Variants in ANKS1B observed in about 807,000 individuals in gnomAD.
ANKS1B encodes the protein ankyrin repeat and sterile alpha motif domain containing 1B, also known as ankyrin repeat and sterile alpha motif domain-containing protein 1B.
ANKS1B carries 36 observed loss-of-function variants against 148.3 expected under a neutral mutation model. That is an observed-to-expected ratio of 0.24 (90% CI 0.19 to 0.32). ANKS1B has a LOEUF of 0.32. Ranked by LOEUF, ANKS1B falls within the 10% of genes least tolerant of loss-of-function variation. The pLI is 1.00. For synonymous variants in ANKS1B, 542 were observed against 560.8 expected (o/e 0.97, Z 0.47); for missense variants, 1,157 against 1,542.6 (o/e 0.75, Z 4.19).
chr12:99,755,765 T>A (rs1228562938), intron 8 of ANKS1B, among the ~76,000 whole-genome samples: 1 of 151,994 alleles, frequency 6.6e-6, no homozygotes, highest in Non-Finnish European at 1.5e-5. Flanking sequence ...CACATAATTA[T>A]CACAATAGAT....
chr12:98,793,445 A>G (rs760594096), intron 22 of ANKS1B, among the ~76,000 whole-genome samples: 1 of 152,164 alleles, frequency 6.6e-6, no homozygotes, highest in Non-Finnish European at 1.5e-5. Context: ...TTTTTTGGAT[A>G]TGACTCCAAA....
intron 8 of ANKS1B, among the ~76,000 whole-genome samples, chr12:99,745,747 G>C (rs765537990): frequency 6.6e-6 from 1 of 151,680 alleles, no homozygotes; most frequent in Non-Finnish European, 1.5e-5. Context: ...AAATCTAATT[G>C]ATTTAAATTA....
intron 12 of ANKS1B, among the ~76,000 whole-genome samples, chr12:99,384,590 CCCTTCCCTTCCTTTCCCTGCCCTGCCCTG>C (rs376983625): frequency 5.3e-5 from 8 of 151,970 alleles, no homozygotes; most frequent in African/African-American, 1.9e-4. Context: ...TTCTTCTCGT[CCCTTCCCTTCCTTTCCCTGCCCTGCCCTG>C]CCTTCCCCTC....
intron 20 of ANKS1B, among the ~76,000 whole-genome samples, chr12:98,804,671 A>C (rs904238194): frequency 2.0e-5 from 3 of 152,166 alleles, no homozygotes; most frequent in African/African-American, 7.2e-5. Flanking sequence ...CTGGAGGCTG[A>C]ATTACAGCAG....
intron 17 of ANKS1B, among the ~76,000 whole-genome samples, chr12:98,835,142 TA>T (rs2099355582): frequency 6.7e-6 from 1 of 150,034 alleles, no homozygotes; most frequent in Non-Finnish European, 1.5e-5. Flanking sequence ...AAACTGACAC[TA>T]AATAACACAT....
At chr12:99,207,580 C>T (rs2082837028) in intron 14 of ANKS1B, among the ~76,000 whole-genome samples, 1 of 151,844 alleles carries the variant, frequency 6.6e-6, no homozygotes. Context: ...ATTTGTATTC[C>T]TAAAATGTTT....
chr12:99,484,926 A>C (rs920018809), intron 10 of ANKS1B, among the ~76,000 whole-genome samples: 2 of 151,648 alleles, frequency 1.3e-5, no homozygotes, highest in Non-Finnish European at 2.9e-5. Flanking sequence ...CATATAATGA[A>C]TCTCCTGAAG....
At chr12:99,413,833 A>C (rs2094801660) in intron 11 of ANKS1B, among the ~76,000 whole-genome samples, 1 of 152,174 alleles carries the variant, frequency 6.6e-6, no homozygotes, top group African/African-American at 2.4e-5. Context: ...TGATACAGGC[A>C]ACTGTCCAAA....
At chr12:99,928,331 T>C (rs962780596) in intron 1 of ANKS1B, among the ~76,000 whole-genome samples, 13 of 150,014 alleles carry the variant, frequency 8.7e-5, no homozygotes, top group Non-Finnish European at 1.6e-4. Flanking sequence ...GACTGCGGAC[T>C]GCAGTGGCGC....
chr12:99,566,420 T>C (rs1045125407), intron 9 of ANKS1B, among the ~76,000 whole-genome samples: 1 of 152,192 alleles, frequency 6.6e-6, no homozygotes, highest in African/African-American at 2.4e-5. Context: ...TCCAATAACA[T>C]GCTCCTCACT....
intron 8 of ANKS1B, among the ~76,000 whole-genome samples, chr12:99,729,531 A>T (rs2058936514): frequency 6.6e-6 from 1 of 151,980 alleles, no homozygotes; most frequent in Non-Finnish European, 1.5e-5. Context: ...TCTCTATTTG[A>T]TGCAAAATTG....
chr12:98,851,940 C>G (rs1337737328), intron 17 of ANKS1B, among the ~76,000 whole-genome samples: 1 of 133,582 alleles, frequency 7.5e-6, no homozygotes, highest in Non-Finnish European at 1.5e-5. Flanking sequence ...AGCAGAATTG[C>G]TTGAACCCAG....
At chr12:99,815,738 A>T (rs148726259) in intron 2 of ANKS1B, among the ~76,000 whole-genome samples, 25 of 151,848 alleles carry the variant, frequency 1.6e-4, no homozygotes, top group African/African-American at 5.5e-4. Context: ...GTGAGAACGC[A>T]TGGTATTTGG....
intron 1 of ANKS1B, among the ~76,000 whole-genome samples, chr12:99,896,085 G>A (rs2093373138): frequency 1.3e-5 from 2 of 151,224 alleles, no homozygotes; most frequent in South Asian, 4.2e-4. Context: ...CTCTTTGTAT[G>A]TGTGTGGTAC....
chr12:99,725,711 A>C (rs1191433916), intron 8 of ANKS1B, among the ~76,000 whole-genome samples: 1 of 152,222 alleles, frequency 6.6e-6, no homozygotes, highest in Non-Finnish European at 1.5e-5. Context: ...CATTCTTCTC[A>C]GTGCATGGCA....
downstream of ANKS1B, among the ~76,000 whole-genome samples, chr12:98,740,044 T>C (rs1312635375): frequency 6.6e-6 from 1 of 152,114 alleles, no homozygotes; most frequent in Non-Finnish European, 1.5e-5. Context: ...GGGCGACGCA[T>C]ACACCCATCA....
At chr12:98,774,094 CTTGCT>C (rs1295768536) in intron 24 of ANKS1B, among the ~76,000 whole-genome samples, 1 of 152,214 alleles carries the variant, frequency 6.6e-6, no homozygotes, top group Non-Finnish European at 1.5e-5. Flanking sequence ...CCTTGGATGC[CTTGCT>C]TGATCTGGGC....
At chr12:99,360,242 A>G (rs2092361590) in intron 12 of ANKS1B, among the ~76,000 whole-genome samples, 1 of 152,112 alleles carries the variant, frequency 6.6e-6, no homozygotes, top group African/African-American at 2.4e-5. Context: ...AGAGTCACTT[A>G]ATGTCTTCAG....
At chr12:98,889,224 G>A (rs144573683) in intron 17 of ANKS1B, among the ~76,000 whole-genome samples, 36 of 152,246 alleles carry the variant, frequency 2.4e-4, no homozygotes, top group African/African-American at 8.7e-4. Context: ...TTATCACTGG[G>A]AAAATAGGAA....
Sources: gnomAD v4.1 joint callset for allele counts (sites outside exome capture counted in the v4.1 genomes callset) on GRCh38, gnomAD v4.1.1 for gene constraint, MANE v1.5 for transcripts, NCBI Gene and HGNC (gene_info 2026-07-23, HGNC 2026-07-21) for gene names.